The following RARB variants were observed in gnomAD, a reference collection of about 807,000 sequenced individuals.
RARB encodes retinoic acid receptor beta.
In RARB, 17 loss-of-function variants were observed where a neutral mutation model predicts 51.9. The observed-to-expected ratio is 0.33, with a 90% confidence interval of 0.22 to 0.49. RARB has a LOEUF of 0.49. Ranked by LOEUF, RARB falls within the 20% of genes least tolerant of loss-of-function variation. RARB has a pLI of 0.99. For missense variants in RARB, 369 were observed against 550.8 expected, an observed-to-expected ratio of 0.67 and a Z score of 3.30; for synonymous variants, 215 against 195.4, an observed-to-expected ratio of 1.10 and a Z score of -0.84.
intron 2 of RARB, among the ~76,000 whole-genome samples, chr3:24,981,844 C>G (rs34587243): frequency 0.2 from 30,373 of 152,148 alleles, 3,618 homozygotes; most frequent in East Asian, 0.3. Context: ...GTTGGAAATG[C>G]AGAAATCACC....
chr3:25,571,619 G>C, intron 4 of RARB, among the ~76,000 whole-genome samples: 1 of 152,236 alleles, frequency 6.6e-6, no homozygotes, highest in East Asian at 1.9e-4. Context: ...TCACCTGGGA[G>C]AGAAAGTGGA....
At position 25,191,147 on chromosome 3, in the gene RARB, C is replaced by A. The variant is rs1156450200; in HGVS notation, c.178+16572C>A. Among the ~76,000 whole-genome samples the A allele has an allele frequency of 2.0e-5, 3 of 152,010 alleles. No individual in the cohort carries two copies. The East Asian group carries it at 5.8e-4, about 29-fold the overall frequency. ...TCATGTATTAAAAGGGCATTTTAGT[C>A]CATGAAAAAAATAGGGGAAAGTTTT... is the stretch of plus-strand genomic sequence containing the variant. On this transcript the variant is annotated intron_variant, in intron 5 of 11. Coordinates refer to the RARB transcript ENST00000383772.
intron 3 of RARB, among the ~76,000 whole-genome samples, chr3:25,524,938 C>T (rs970051294): frequency 2.0e-5 from 3 of 151,838 alleles, no homozygotes; most frequent in African/African-American, 7.3e-5. Flanking sequence ...CATGTTGGCC[C>T]GACTGGTCTC....
At chr3:25,216,777 T>A (rs1466643526) in intron 5 of RARB, among the ~76,000 whole-genome samples, 1 of 151,280 alleles carries the variant, frequency 6.6e-6, no homozygotes, top group African/African-American at 2.4e-5. Flanking sequence ...TTGTTTCTTC[T>A]AAAAAATATA....
chr3:25,170,344 C>T (rs1700623597), intron 4 of RARB, among the ~76,000 whole-genome samples: 1 of 152,130 alleles, frequency 6.6e-6, no homozygotes, highest in Admixed American at 6.5e-5. Flanking sequence ...ACGTCTAGAG[C>T]TGTGGCTCTC....
At chr3:24,957,723 G>T (rs545135232) in intron 2 of RARB, among the ~76,000 whole-genome samples, 1 of 152,274 alleles carries the variant, frequency 6.6e-6, no homozygotes, top group East Asian at 1.9e-4. Flanking sequence ...GACCTCAACT[G>T]TGTTCAACCA....
intron 5 of RARB, among the ~76,000 whole-genome samples, chr3:25,362,945 A>C (rs1705996074): frequency 6.6e-6 from 1 of 152,116 alleles, no homozygotes; most frequent in South Asian, 2.1e-4. Flanking sequence ...CAGAGCTTAG[A>C]TTTTATGGCA....
chr3:25,148,577 G>A (rs4681040), intron 4 of RARB, among the ~76,000 whole-genome samples: 70,482 of 151,928 alleles, frequency 0.46, 17,348 homozygotes, highest in East Asian at 0.71. Flanking sequence ...AATCACTGTC[G>A]CTGTACTTTT....
intron 2 of RARB, among the ~76,000 whole-genome samples, chr3:24,879,484 ATTTT>A (rs11417502): frequency 2.5e-5 from 3 of 121,472 alleles, no homozygotes; most frequent in African/African-American, 9.4e-5. Flanking sequence ...AAGGATCTCC[ATTTT>A]TTTTTTTTTT....
chr3:24,981,655 G>A (rs1696676958), intron 2 of RARB, among the ~76,000 whole-genome samples: 3 of 152,042 alleles, frequency 2.0e-5, no homozygotes, highest in East Asian at 3.9e-4. Flanking sequence ...ATAGTATTTG[G>A]GCAGGAGTGC....
intron 5 of RARB, among the ~76,000 whole-genome samples, chr3:25,278,190 G>A (rs35398947): frequency 0.097 from 14,735 of 152,116 alleles, 948 homozygotes; most frequent in South Asian, 0.25. Context: ...GGTGGTTGGC[G>A]GTACATGTGT....
intron 3 of RARB, among the ~76,000 whole-genome samples, chr3:25,097,344 C>T (rs1445726140): frequency 6.6e-6 from 1 of 152,032 alleles, no homozygotes; most frequent in African/African-American, 2.4e-5. Flanking sequence ...AGCAAATTTG[C>T]AGGTACTAAA....
rs139853645 is a variant in RARB, at chr3:25,021,987, T to C, written c.-379-38138T>C. Among the ~76,000 whole-genome samples, 476 of 152,318 alleles carry C rather than the reference T, an allele frequency of 3.1e-3. 3 individuals carry two copies. Among genetic ancestry groups the C allele is most frequent in the African/African-American group, 0.011 (444 of 41,572 alleles). On this transcript the variant is annotated intron_variant, in intron 2 of 11. Coordinates refer to the RARB transcript ENST00000383772. ...TTAAAAACTGAATTTCCCAATTACA[T>C]GGAGCTTGCAGTCTAGACTCTAGAG...
At chr3:24,961,729 A>C (rs1696143384) in intron 2 of RARB, among the ~76,000 whole-genome samples, 1 of 152,200 alleles carries the variant, frequency 6.6e-6, no homozygotes, top group Admixed American at 6.5e-5. Flanking sequence ...TGAGGCTCCA[A>C]AACACCATTG....
At chr3:25,366,515 C>G (rs1476553026) in intron 5 of RARB, among the ~76,000 whole-genome samples, 1 of 151,638 alleles carries the variant, frequency 6.6e-6, no homozygotes, top group Admixed American at 6.6e-5. Context: ...GTAGATAGCA[C>G]AAAGATTCCT....
At chr3:25,405,332 A>G (rs1348416681) in intron 5 of RARB, among the ~76,000 whole-genome samples, 2 of 152,236 alleles carry the variant, frequency 1.3e-5, no homozygotes, top group Non-Finnish European at 2.9e-5. Context: ...CAACCTGGGC[A>G]ACACAGTGAG....
At position 25,138,678 on chromosome 3, in the gene RARB, A is replaced by G. The variant is rs543554241; in HGVS notation, c.-280+6470A>G. The stretch of plus-strand genomic sequence containing the variant: ...TCTATAGAAATTGTCATCCTAATGT[A>G]TCTGCATGGACAATTATTTTTTATT... On this transcript the variant is annotated intron_variant, in intron 4 of 11. Coordinates refer to the RARB transcript ENST00000383772. Among the ~76,000 whole-genome samples, 11 of 152,278 alleles carry G rather than the reference A, an allele frequency of 7.2e-5. No individual in the cohort carries two copies. The East Asian group carries it at 1.7e-3, about 24-fold the overall frequency.
intron 2 of RARB, among the ~76,000 whole-genome samples, chr3:24,932,425 G>A (rs1695460000): frequency 6.6e-6 from 1 of 151,998 alleles, no homozygotes; most frequent in South Asian, 2.1e-4. Context: ...TCTACTACTA[G>A]AGTCGTTTAC....
At chr3:25,256,253 A>G (rs1702862561) in intron 5 of RARB, among the ~76,000 whole-genome samples, 1 of 152,192 alleles carries the variant, frequency 6.6e-6, no homozygotes, top group Non-Finnish European at 1.5e-5. Flanking sequence ...CCTTCCTGCC[A>G]TTAAGAAAAT....
Sources: allele counts gnomAD v4.1 joint callset (sites outside exome capture counted in the v4.1 genomes callset), GRCh38; gene constraint gnomAD v4.1.1; transcripts MANE v1.5; gene names NCBI Gene and HGNC (gene_info 2026-07-23, HGNC 2026-07-21).